CELF1: variants seen among roughly 807,000 people sequenced by gnomAD.
CELF1 encodes CUGBP Elav-like family member 1.
CELF1 carries 10 observed loss-of-function variants against 61.8 expected under a neutral mutation model. That is an observed-to-expected ratio of 0.16 (90% CI 0.10 to 0.27). The LOEUF is 0.27. Ranked by LOEUF, CELF1 falls within the 10% of genes least tolerant of loss-of-function variation. The pLI is 1.00. For missense variants in CELF1, 380 were observed against 639.1 expected, an observed-to-expected ratio of 0.59 and a Z score of 4.37; for synonymous variants, 236 against 225.1, an observed-to-expected ratio of 1.05 and a Z score of -0.43.
chr11:47,531,607 A>G (rs1268712998), intron 1 of CELF1, among the ~76,000 whole-genome samples: 3 of 152,040 alleles, frequency 2.0e-5, no homozygotes, highest in Admixed American at 6.6e-5. Flanking sequence ...CCGAAATATT[A>G]TTTTTGAACC....
intron 9 of CELF1, among the ~76,000 whole-genome samples, chr11:47,480,276 G>A (rs999102207): frequency 6.6e-6 from 1 of 152,046 alleles, no homozygotes; most frequent in African/African-American, 2.4e-5. Flanking sequence ...TAGTAGAGAC[G>A]GGGTTTCACC....
At position 47,545,873 on chromosome 11, in the gene CELF1, G is replaced by GTC. The variant is rs1463619931; in HGVS notation, c.-154+7118_-154+7119insGA. Reference sequence around the variant, plus strand: ...TACGTGTGTGTGTGTGTGTCTGCGTGTGTGTGTGTGTGTGTGTGTGTGTGT... The same window carrying GTC: ...TACGTGTGTGTGTGTGTGTCTGCGTGTCTGTGTGTGTGTGTGTGTGTGTGTGT... On this transcript the variant is annotated intron_variant, in intron 1 of 14. Transcript: ENST00000687097. Among the ~76,000 whole-genome samples the GTC allele has an allele frequency of 5.6e-4, 46 of 82,420 alleles. 1 individual carries two copies. Among genetic ancestry groups the GTC allele is most frequent in the African/African-American group, 2.1e-3 (44 of 20,916 alleles). The allele number at this position is 82,420 out of a possible 152,430, so 54.1% of individuals were successfully genotyped here.
rs778220108 is a variant in CELF1 at position 47,478,866 on chromosome 11, GAAA to G, written c.844+8_844+10del. The G allele has an allele frequency of 6.2e-7, 1 of 1,609,018 alleles. No individual in the cohort carries two copies. On this transcript the variant is annotated splice_region_variant and intron_variant, in intron 10 of 14. Coordinates refer to ENST00000687097, the MANE Select transcript of CELF1 (RefSeq NM_001376376.1). ...GGTGCTGCTGCTCCTCTGCAGCAGTGAAACACTTACCTCCCATTGGGTGGAGGC... is the reference window on the plus strand; with the variant it reads ...GGTGCTGCTGCTCCTCTGCAGCAGTGCACTTACCTCCCATTGGGTGGAGGC...
chr11:47,514,508 C>T (rs1390012984), intron 1 of CELF1, among the ~76,000 whole-genome samples: 4 of 151,996 alleles, frequency 2.6e-5, no homozygotes, highest in Admixed American at 6.6e-5. Flanking sequence ...GAGAGACACC[C>T]TATTTTAGAG....
intron 1 of CELF1, among the ~76,000 whole-genome samples, chr11:47,551,469 A>G (rs2097135094): frequency 6.6e-6 from 1 of 152,236 alleles, no homozygotes; most frequent in Non-Finnish European, 1.5e-5. Context: ...AATTAACATG[A>G]GAAGAAAATC....
At chr11:47,487,010 G>A in intron 5 of CELF1, 149 bp downstream of exon 5, 1 of 740,940 alleles carries the variant, frequency 1.3e-6, no homozygotes, top group Non-Finnish European at 2.3e-6. Flanking sequence ...GGTAATCTCT[G>A]AACTGCTCCC....
chr11:47,528,176 T>C (rs895053117), intron 1 of CELF1, among the ~76,000 whole-genome samples: 1 of 145,708 alleles, frequency 6.9e-6, no homozygotes, highest in East Asian at 2.0e-4. Context: ...GCTCCAAGTA[T>C]AACCTCAAAA....
intron 1 of CELF1, chr11:47,513,798 C>T (rs2095390793): frequency 1.3e-5 from 2 of 151,100 alleles, no homozygotes; most frequent in African/African-American, 2.4e-5. Flanking sequence ...ATAAGTATTC[C>T]TTCCTGTTTT....
At chr11:47,503,239 A>T (rs561952927) in intron 1 of CELF1, among the ~76,000 whole-genome samples, 3 of 152,352 alleles carry the variant, frequency 2.0e-5, no homozygotes, top group Admixed American at 1.3e-4. Flanking sequence ...GGAAGATGTA[A>T]AACTGGATTA....
chr11:47,563,236 A>C (rs943323508), intron 2 of CELF1, among the ~76,000 whole-genome samples: 1 of 152,062 alleles, frequency 6.6e-6, no homozygotes, highest in Non-Finnish European at 1.5e-5. Flanking sequence ...AAAAAAAGAA[A>C]AGTAAAAAGA....
At chr11:47,477,036 A>G in intron 11 of CELF1, 77 bp from the exon 12 acceptor site, 1 of 1,247,088 alleles carries the variant, frequency 8.0e-7, no homozygotes, top group Non-Finnish European at 1.2e-6. Flanking sequence ...GTCACTATCC[A>G]AGTATGCTAT....
At chr11:47,501,360 T>C (rs1191566931) in intron 1 of CELF1, among the ~76,000 whole-genome samples, 5 of 152,234 alleles carry the variant, frequency 3.3e-5, no homozygotes, top group Non-Finnish European at 7.3e-5. Flanking sequence ...GTTAGATTAC[T>C]GGCTATGTTT....
chr11:47,499,424 G>A (rs1268547626), intron 3 of CELF1, 29 bp downstream of exon 3: 3 of 1,508,370 alleles, frequency 2.0e-6, no homozygotes, highest in Admixed American at 3.9e-5. Context: ...CTCTGCTTAT[G>A]ATAAAAATTA....
intron 1 of CELF1, among the ~76,000 whole-genome samples, chr11:47,547,171 T>A (rs1004332432): frequency 1.3e-5 from 2 of 151,062 alleles, no homozygotes; most frequent in Non-Finnish European, 2.9e-5. Flanking sequence ...TAAACAGTGA[T>A]TTGGATTATC....
intron 1 of CELF1, among the ~76,000 whole-genome samples, chr11:47,539,000 T>C (rs1038139423): frequency 6.6e-6 from 1 of 152,180 alleles, no homozygotes; most frequent in Non-Finnish European, 1.5e-5. Flanking sequence ...CCCACATTAT[T>C]GTGTTCCACT....
upstream of CELF1, among the ~76,000 whole-genome samples, chr11:47,554,501 AC>A (rs1467799483): frequency 6.6e-6 from 1 of 151,174 alleles, no homozygotes; most frequent in African/African-American, 2.4e-5. Context: ...TCACTTCCTC[AC>A]CTCCTTCAGA....
intron 1 of CELF1, among the ~76,000 whole-genome samples, chr11:47,520,533 C>G (rs1331859936): frequency 1.3e-5 from 2 of 152,180 alleles, no homozygotes; most frequent in African/African-American, 4.8e-5. Flanking sequence ...GCAGGCCAGG[C>G]ACTGTGGCTC....
At chr11:47,485,058 T>A (rs2085879882) in intron 6 of CELF1, among the ~76,000 whole-genome samples, 1 of 152,254 alleles carries the variant, frequency 6.6e-6, no homozygotes, top group Non-Finnish European at 1.5e-5. Context: ...TTTGTAATCT[T>A]GTGAAAGTTA....
At chr11:47,509,706 T>C (rs1314506878) in intron 1 of CELF1, among the ~76,000 whole-genome samples, 3 of 151,778 alleles carry the variant, frequency 2.0e-5, no homozygotes, top group Non-Finnish European at 4.4e-5. Context: ...GCCTGGCCAA[T>C]GTGAGGAAAC....
Sources: gnomAD v4.1 joint callset for allele counts (sites outside exome capture counted in the v4.1 genomes callset) on GRCh38, gnomAD v4.1.1 for gene constraint, MANE v1.5 for transcripts, NCBI Gene and HGNC (gene_info 2026-07-23, HGNC 2026-07-21) for gene names.